The following ZNF674 variants were observed in gnomAD, a reference collection of about 807,000 sequenced individuals.
ZNF674 encodes the protein zinc finger protein 674, also known as zinc finger family member 674.
In ZNF674, 2 loss-of-function variants were observed where a neutral mutation model predicts 7.0. That is an observed-to-expected ratio of 0.29 (90% CI 0.12 to 0.90). The LOEUF (loss-of-function observed/expected upper bound fraction) is 0.90. Among genes scored for constraint, ZNF674 ranks in the 40% least tolerant of loss-of-function variants. ZNF674 has a pLI of 0.57. For synonymous variants in ZNF674, 103 were observed against 145.2 expected (o/e 0.71, Z 2.09); for missense variants, 297 against 415.5 (o/e 0.71, Z 2.48).
intron 3 of ZNF674, among the ~76,000 whole-genome samples, chrX:46,539,328 T>C (rs764438164): frequency 8.8e-6 from 1 of 113,081 alleles, no homozygotes; most frequent in East Asian, 2.8e-4. Context: ...TGAAAAGGCA[T>C]ATACTGCCGC....
intron 3 of ZNF674, among the ~76,000 whole-genome samples, chrX:46,541,098 A>G (rs987774773): frequency 9.6e-6 from 1 of 104,362 alleles, no homozygotes; most frequent in African/African-American, 3.5e-5. Flanking sequence ...ACGGTGGCTC[A>G]CACCTGTAAT....
At chrX:46,543,488 AG>A (rs958915612) in intron 2 of ZNF674, among the ~76,000 whole-genome samples, 15 of 111,589 alleles carry the variant, frequency 1.3e-4, no homozygotes, top group South Asian at 7.5e-4. Context: ...CAGGGCTCAA[AG>A]GGCCGCAGGG....
At chrX:46,532,245 T>A (rs1399865864) in intron 3 of ZNF674, among the ~76,000 whole-genome samples, 1 of 112,347 alleles carries the variant, frequency 8.9e-6, no homozygotes, top group East Asian at 2.8e-4. Context: ...TTAGGAATCT[T>A]ACTACTGTGT....
chrX:46,515,366 CAAA>C (rs57262712), intron 5 of ZNF674, among the ~76,000 whole-genome samples: 1 of 68,879 alleles, frequency 1.5e-5, no homozygotes, highest in Non-Finnish European at 2.7e-5. Context: ...GAGACTCTCT[CAAA>C]AAAAAAAAAA....
At chrX:46,528,689 C>T (rs1942053204) in intron 4 of ZNF674, 94 bp downstream of exon 4, 1 of 1,161,292 alleles carries the variant, frequency 8.6e-7, no homozygotes, top group Non-Finnish European at 1.2e-6. Flanking sequence ...TGGTAACCCA[C>T]ACTCATTGTT....
chrX:46,519,595 G>A (rs908644288), intron 5 of ZNF674, among the ~76,000 whole-genome samples: 4 of 107,761 alleles, frequency 3.7e-5, no homozygotes. Context: ...GCGACAGAGC[G>A]AGACTCGCTC....
chrX:46,516,710 T>C (rs1941771628), intron 5 of ZNF674, among the ~76,000 whole-genome samples: 1 of 112,322 alleles, frequency 8.9e-6, no homozygotes, highest in African/African-American at 3.2e-5. Context: ...TGAAAAGCAA[T>C]AATGGACTGG....
intron 5 of ZNF674, chrX:46,525,355 C>T (rs987195406): frequency 5.7e-5 from 14 of 245,303 alleles, no homozygotes; most frequent in African/African-American, 9.3e-5. Context: ...GTAATCCCAG[C>T]ACTTTGGGAG....
At chrX:46,529,121 G>A in intron 3 of ZNF674, 1 of 633,459 alleles carries the variant, frequency 1.6e-6, no homozygotes, top group East Asian at 3.7e-5. Context: ...CACACAGCCA[G>A]GAATGAGGGA....
rs1187228041 is a variant in ZNF674 at position 46,521,204 on chromosome X, C to CAA, written c.238+7144_238+7145dup. ...TGGGTGACAAAGCAAGACTCTATCT[C>CAA]AAAAAAAAAAAAAAAAAAAGACAAT... On this transcript the variant is annotated intron_variant, in intron 5 of 5. Coordinates refer to ENST00000683375, the MANE Select transcript of ZNF674 (RefSeq NM_001190417.2). 2.4e-3 allele frequency among the ~76,000 whole-genome samples: 98 copies of CAA among 40,699 alleles called. 1 individual carries two copies. The South Asian group carries it at 0.036, about 15-fold the overall frequency. The allele number at this position is 40,699 out of a possible 115,157, so 35.3% of individuals were successfully genotyped here. A position where few individuals can be genotyped will look rare whatever the true frequency, so the allele number is the denominator to read the frequency against.
intron 5 of ZNF674, among the ~76,000 whole-genome samples, chrX:46,508,940 A>G (rs189463574): frequency 1.8e-5 from 2 of 111,382 alleles, no homozygotes; most frequent in East Asian, 5.6e-4. Flanking sequence ...CAAAACAGAG[A>G]TATAGATCAA....
chrX:46,515,755 T>C (rs1241688013), intron 5 of ZNF674, among the ~76,000 whole-genome samples: 1 of 111,316 alleles, frequency 9.0e-6, no homozygotes, highest in African/African-American at 3.3e-5. Context: ...ACTACAGGCA[T>C]GTGCCACCAT....
At chrX:46,512,749 G>C (rs1941683938) in intron 5 of ZNF674, among the ~76,000 whole-genome samples, 1 of 103,231 alleles carries the variant, frequency 9.7e-6, no homozygotes, top group Non-Finnish European at 1.9e-5. Flanking sequence ...GGGTGACAGA[G>C]TGAGACTCCA....
intron 3 of ZNF674, among the ~76,000 whole-genome samples, chrX:46,532,261 C>A: frequency 8.9e-6 from 1 of 112,401 alleles, no homozygotes. Flanking sequence ...TGTGTTACTT[C>A]ATCTCAAATC....
At chrX:46,521,476 G>A (rs747921935) in intron 5 of ZNF674, among the ~76,000 whole-genome samples, 75 of 110,917 alleles carry the variant, frequency 6.8e-4, no homozygotes, top group Non-Finnish European at 1.2e-3. Flanking sequence ...TACTCAGGAT[G>A]CTGATGAGGA....
chrX:46,513,219 C>T (rs1050475607), intron 5 of ZNF674, among the ~76,000 whole-genome samples: 2 of 110,345 alleles, frequency 1.8e-5, no homozygotes, highest in Non-Finnish European at 3.8e-5. Flanking sequence ...TCTGACATCG[C>T]GCCACTGCAC....
chrX:46,525,606 A>T (rs1459590519), intron 5 of ZNF674, among the ~76,000 whole-genome samples: 1 of 107,645 alleles, frequency 9.3e-6, no homozygotes, highest in Non-Finnish European at 1.9e-5. Context: ...CAAAAGCGAA[A>T]CTCCTTCTCA....
intron 3 of ZNF674, among the ~76,000 whole-genome samples, chrX:46,540,072 G>A (rs760587854): frequency 1.4e-3 from 155 of 110,930 alleles, no homozygotes; most frequent in Non-Finnish European, 2.4e-3. Flanking sequence ...GTGAAACCCC[G>A]TCTCTACTAA....
intron 2 of ZNF674, among the ~76,000 whole-genome samples, chrX:46,544,019 G>A (rs1328550441): frequency 1.0e-3 from 114 of 113,000 alleles, no homozygotes; most frequent in Middle Eastern, 4.6e-3. Flanking sequence ...AGAGAAGGAA[G>A]CATGGGGGTG....
Sources: gnomAD v4.1 joint callset for allele counts (sites outside exome capture counted in the v4.1 genomes callset) on GRCh38, gnomAD v4.1.1 for gene constraint, MANE v1.5 for transcripts, NCBI Gene and HGNC (gene_info 2026-07-23, HGNC 2026-07-21) for gene names.